Variants in PRR14L observed in about 807,000 individuals in gnomAD.
The protein encoded by PRR14L is proline rich 14 like.
In PRR14L, 80 loss-of-function variants were observed where a neutral mutation model predicts 155.0. The ratio of observed to expected loss-of-function variants is 0.52; its 90% confidence interval spans 0.43 to 0.62. PRR14L has a LOEUF of 0.62. Ranked by LOEUF, PRR14L falls within the 20% of genes least tolerant of loss-of-function variation. PRR14L has a pLI of 0.00. For synonymous variants in PRR14L, 883 were observed against 916.0 expected, an observed-to-expected ratio of 0.96 and a Z score of 0.65; for missense variants, 2,469 against 2,548.0, an observed-to-expected ratio of 0.97 and a Z score of 0.67.
Position 31,714,070 on chromosome 22 carries a change from C to T in PRR14L, c.3769G>A (p.Asp1257Asn), listed in dbSNP as rs878993758. The T allele has an allele frequency of 6.5e-7, 1 of 1,549,936 alleles. No individual in the cohort carries two copies. The highest frequency in any genetic ancestry group is 2.4e-5 in the East Asian group (1 of 40,918). Residue 1257 changes from aspartate (D) to asparagine (N), a missense_variant, in exon 4 of 9, where the codon GAC becomes AAC. Asp to Asn is a conservative substitution (Grantham distance 23). This residue lies in a region of PRR14L where 2,363 missense variants were observed against 2,371.6 expected (regional missense o/e 1.00). Coordinates refer to ENST00000327423, the MANE Select transcript of PRR14L (RefSeq NM_173566.3). ...TTTGGTTTACAAAGATTTTTCAGGTCAGTTTCTTCACTGTTAACATTAGTT... is the reference window on the plus strand; with the variant it reads ...TTTGGTTTACAAAGATTTTTCAGGTTAGTTTCTTCACTGTTAACATTAGTT... Reference protein sequence around the residue: ...SETNVNSEETDLKNLCKPKDG... With the variant: ...SETNVNSEETNLKNLCKPKDG...
intron 1 of PRR14L, among the ~76,000 whole-genome samples, chr22:31,746,346 G>T (rs571478940): frequency 1.3e-5 from 2 of 152,230 alleles, no homozygotes; most frequent in African/African-American, 4.8e-5. Flanking sequence ...TTATCAGTAT[G>T]TTTTATCAGT....
intron 2 of PRR14L, among the ~76,000 whole-genome samples, chr22:31,729,518 A>G (rs2074736462): frequency 6.6e-6 from 1 of 152,130 alleles, no homozygotes; most frequent in South Asian, 2.1e-4. Context: ...CGCCCGGCCT[A>G]GTTACAAGTT....
Position 31,685,242 on chromosome 22 carries a change from AC to A in PRR14L, c.*284del. The A allele has an allele frequency of 3.1e-6, 1 of 319,906 alleles. No homozygotes were observed. The allele number at this position is 319,906 out of a possible 1,614,324, so 19.8% of individuals were successfully genotyped here. Reference sequence around the variant, plus strand: ...CTGCTTCCTCCTGTGGATGGCAGAGACTGAGGAGGTGGCTGGATGTCGTTCA... The same window carrying A: ...CTGCTTCCTCCTGTGGATGGCAGAGATGAGGAGGTGGCTGGATGTCGTTCA... On this transcript the variant is annotated 3_prime_UTR_variant, in exon 9 of 9. Coordinates refer to ENST00000327423, the MANE Select transcript of PRR14L (RefSeq NM_173566.3).
intron 1 of PRR14L, among the ~76,000 whole-genome samples, chr22:31,746,500 T>C (rs1470715450): frequency 1.3e-5 from 2 of 152,226 alleles, no homozygotes; most frequent in Non-Finnish European, 2.9e-5. Flanking sequence ...TAATGACTTA[T>C]AATCAACCTA....
intron 2 of PRR14L, among the ~76,000 whole-genome samples, chr22:31,730,137 CT>C (rs2147871944): frequency 1.5e-5 from 2 of 129,362 alleles, no homozygotes; most frequent in South Asian, 2.6e-4. Context: ...GAGACTCAGT[CT>C]AAAAAAAAAA....
chr22:31,705,132 G>A (rs2074583222), intron 4 of PRR14L, among the ~76,000 whole-genome samples: 1 of 152,090 alleles, frequency 6.6e-6, no homozygotes, highest in Non-Finnish European at 1.5e-5. Flanking sequence ...GTGGTGGAGT[G>A]CACCTGTGGT....
intron 7 of PRR14L, among the ~76,000 whole-genome samples, chr22:31,690,639 A>AT (rs373510332): frequency 3.3e-3 from 469 of 143,160 alleles, no homozygotes; most frequent in South Asian, 6.6e-3. Flanking sequence ...TCCCTGGCTA[A>AT]TTTTTTTTTT....
chr22:31,738,647 CAT>C lies in PRR14L; in HGVS notation c.212_213del (p.His71ArgfsTer6), dbSNP rs1569500871. On this transcript the variant is annotated frameshift_variant, in exon 2 of 9. Coordinates refer to ENST00000327423, the MANE Select transcript of PRR14L (RefSeq NM_173566.3). LOFTEE classifies it high-confidence loss of function. ...TAGGTTTCTTCACAACAACTCTCCA[CAT>C]GAGTCCTCTGCAGCTCCAAGGGCAA... Reference protein sequence around the residue: ...RALPLELQRTHVESCCEETYE... With the variant: ...RALPLELQRTXVESCCEETYE... 21 of 1,552,134 alleles carry C rather than the reference CAT, an allele frequency of 1.4e-5. No individual in the cohort carries two copies. Among genetic ancestry groups the C allele is most frequent in the Admixed American group, 2.0e-5 (1 of 51,004 alleles).
chr22:31,729,198 T>C (rs1601512551), intron 2 of PRR14L, among the ~76,000 whole-genome samples: 3 of 152,144 alleles, frequency 2.0e-5, no homozygotes, highest in African/African-American at 7.2e-5. Flanking sequence ...CCCAAAATTA[T>C]TAGTTGCAAA....
chr22:31,747,046 C>G (rs565175691), intron 1 of PRR14L, among the ~76,000 whole-genome samples: 1 of 151,884 alleles, frequency 6.6e-6, no homozygotes, highest in African/African-American at 2.4e-5. Context: ...CCTTGTGATC[C>G]GCCCGCCTCG....
intron 4 of PRR14L, among the ~76,000 whole-genome samples, chr22:31,710,552 A>G (rs1213869448): frequency 6.6e-6 from 1 of 150,830 alleles, no homozygotes; most frequent in Non-Finnish European, 1.5e-5. Flanking sequence ...TCCCGGGTTC[A>G]TGCCATTCTC....
Position 31,714,622 on chromosome 22 carries a change from C to T in PRR14L, c.3217G>A (p.Ala1073Thr). 1 of 1,551,966 alleles carries T rather than the reference C, an allele frequency of 6.4e-7. No individual in the cohort carries two copies. Among genetic ancestry groups the T allele is most frequent in the Admixed American group, 2.0e-5 (1 of 50,998 alleles). ...KLAEGVLDVK[A>T]SNLLDCGARQ... ...GCACCACAATCCAGTAGATTAGATG[C>T]CTTCACGTCCAGCACACCTTCTGCA... Residue 1073 changes from alanine (A) to threonine (T), a missense_variant, in exon 4 of 9, where the codon GCA (alanine) becomes ACA (threonine). This residue lies in a region of PRR14L where 2,363 missense variants were observed against 2,371.6 expected (regional missense o/e 1.00). Transcript: ENST00000327423.
chr22:31,731,895 T>C (rs2074752289), intron 2 of PRR14L, among the ~76,000 whole-genome samples: 1 of 152,214 alleles, frequency 6.6e-6, no homozygotes. Context: ...TATTCATTTG[T>C]AATACAGTTA....
intron 1 of PRR14L, among the ~76,000 whole-genome samples, chr22:31,744,329 CT>C (rs1184132478): frequency 3.3e-5 from 5 of 152,146 alleles, no homozygotes; most frequent in Non-Finnish European, 7.4e-5. Flanking sequence ...GATGGGGTTT[CT>C]CTATGTTGGT....
chr22:31,735,759 T>C (rs181502722), intron 2 of PRR14L, among the ~76,000 whole-genome samples: 13 of 151,734 alleles, frequency 8.6e-5, no homozygotes, highest in Admixed American at 5.9e-4. Context: ...TTTTAAAAGA[T>C]AGGGCATTGG....
In PRR14L at chr22:31,715,571, G is replaced by A. The variant is rs563672251; in HGVS notation, c.2268C>T (p.Ser756=). The change falls in exon 4 of 9, where the codon TCC becomes TCT. Residue 756 remains serine, a synonymous_variant. Transcript: ENST00000327423. The stretch of plus-strand genomic sequence containing the variant: ...CTTCTCTCTTATTTGAGCGCAGCCT[G>A]GAATGTAGAGCTTTTGTTCCTGAAT... The part of the protein sequence containing the change: ...MADSGTKALH[S]RLRSNKREAA... 1 of 1,552,004 alleles carries A rather than the reference G, an allele frequency of 6.4e-7. No homozygotes were observed. Among genetic ancestry groups the A allele is most frequent in the East Asian group, 2.4e-5 (1 of 40,924 alleles).
intron 2 of PRR14L, among the ~76,000 whole-genome samples, chr22:31,727,487 G>T (rs2074722975): frequency 6.6e-6 from 1 of 151,558 alleles, no homozygotes; most frequent in Non-Finnish European, 1.5e-5. Flanking sequence ...CACCCACCTT[G>T]GCCTCTCAAA....
rs2074659931 is a variant in PRR14L at position 31,716,408 on chromosome 22, C to G, written c.1431G>C (p.Leu477Phe). The G allele has an allele frequency of 6.5e-7, 1 of 1,549,496 alleles. No individual in the cohort carries two copies. Among genetic ancestry groups the G allele is most frequent in the South Asian group, 1.2e-5 (1 of 83,412 alleles). Residue 477 changes from leucine to phenylalanine, a missense_variant, in exon 4 of 9, where the codon TTG becomes TTC. By Grantham distance (22) the Leu-to-Phe change is conservative. Coordinates refer to ENST00000327423, the MANE Select transcript of PRR14L (RefSeq NM_173566.3). ...ATEVMLNKNDLKITVHVQGNL... is the reference protein window; with the variant it reads ...ATEVMLNKNDFKITVHVQGNL... ...TACCTTGAACGTGTACAGTAATTTT[C>G]AAATCATTTTTATTTAACATTACTT...
At position 31,716,298 on chromosome 22, in the gene PRR14L, G is replaced by C; in HGVS notation, c.1541C>G (p.Ser514Cys). 1 of 1,551,656 alleles carries C rather than the reference G, an allele frequency of 6.4e-7. No homozygotes were observed. The highest frequency in any genetic ancestry group is 8.7e-7 in the Non-Finnish European group (1 of 1,146,978). The change falls in exon 4 of 9, where the codon TCC becomes TGC. Residue 514 changes from serine to cysteine, a missense_variant. By Grantham distance (112) the Ser-to-Cys change is moderately radical. Coordinates refer to ENST00000327423, the MANE Select transcript of PRR14L (RefSeq NM_173566.3). Reference protein sequence around the residue: ...GGHSEESSFSSLMQIEEAGQT... With the variant: ...GGHSEESSFSCLMQIEEAGQT... ...TCCTGCCTCTTCAATCTGCATCAAG[G>C]AGGAAAAACTGCTTTCTTCAGAGTG... is the stretch of plus-strand genomic sequence containing the variant.
Sources: allele counts gnomAD v4.1 joint callset (sites outside exome capture counted in the v4.1 genomes callset), GRCh38; gene constraint gnomAD v4.1.1; regional missense constraint gnomAD v4.1.1; transcripts MANE v1.5; gene names NCBI Gene and HGNC (gene_info 2026-07-23, HGNC 2026-07-21).